Variants in FH observed in about 807,000 individuals in gnomAD.
FH encodes fumarate hydratase, mitochondrial.
FH carries 22 observed loss-of-function variants against 49.4 expected under a neutral mutation model. That is an observed-to-expected ratio of 0.45 (90% CI 0.32 to 0.64). The LOEUF (loss-of-function observed/expected upper bound fraction) is 0.64, where lower values mean the gene tolerates loss of function less well. Ranked by LOEUF, FH falls within the 30% of genes least tolerant of loss-of-function variation. The pLI, the probability that FH is intolerant of heterozygous loss-of-function variation, is 0.05. For synonymous variants in FH, 208 were observed against 223.0 expected (o/e 0.93, Z 0.60); for missense variants, 526 against 641.5 (o/e 0.82, Z 1.95).
intron 1 of FH, chr1:241,519,263 C>T (rs1283243970): frequency 1.0e-5 from 3 of 289,154 alleles, no homozygotes; most frequent in Non-Finnish European, 2.0e-5. Flanking sequence ...GCCTGCGCGC[C>T]AGCAGCAGCG....
intron 2 of FH, 90 bp from the exon 3 acceptor site, chr1:241,513,803 A>G (rs1352546692): frequency 2.1e-6 from 2 of 938,714 alleles, no homozygotes; most frequent in South Asian, 1.4e-5. Flanking sequence ...CTATACATAA[A>G]ACAATAACAA....
intron 5 of FH, among the ~76,000 whole-genome samples, chr1:241,506,927 T>G (rs1282350574): frequency 6.6e-6 from 1 of 152,160 alleles, no homozygotes; most frequent in Non-Finnish European, 1.5e-5. Context: ...CCAAGATACA[T>G]GGTTACACTA....
In FH at chr1:241,504,328, C is replaced by T. The variant is rs571824927; in HGVS notation, c.905-83G>A. ...CCATTAGCAAGTGAAACAGAAAGTTCCAATATACGAAAAAATAAAAATTTT... is the reference window on the plus strand; with the variant it reads ...CCATTAGCAAGTGAAACAGAAAGTTTCAATATACGAAAAAATAAAAATTTT... On this transcript the variant is annotated intron_variant, in intron 6 of 9. Coordinates refer to ENST00000366560, the MANE Select transcript of FH (RefSeq NM_000143.4). 1,313 of 1,292,804 alleles carry T rather than the reference C, an allele frequency of 1.0e-3. 2 individuals are homozygous for T. Among genetic ancestry groups the T allele is most frequent in the Non-Finnish European group, 1.2e-3 (1,115 of 920,858 alleles). 80.1% of individuals were successfully genotyped at this position (1,292,804 alleles called of 1,614,324 possible). A position where few individuals can be genotyped will look rare whatever the true frequency, so the allele number is the denominator to read the frequency against.
At chr1:241,513,564 G>C (rs200214193) in intron 3 of FH, 39 bp downstream of exon 3, 11 of 1,427,050 alleles carry the variant, frequency 7.7e-6, no homozygotes, top group Non-Finnish European at 8.9e-6. Context: ...TATGGCATGG[G>C]TCTGAGGTTA....
At chr1:241,502,909 G>A (rs562442631) in intron 7 of FH, among the ~76,000 whole-genome samples, 104 of 152,332 alleles carry the variant, frequency 6.8e-4, no homozygotes, top group African/African-American at 2.4e-3. Flanking sequence ...TGGAGGCTAG[G>A]GAGAAAGAGC....
intron 1 of FH, among the ~76,000 whole-genome samples, chr1:241,518,385 T>C (rs1430416112): frequency 6.6e-6 from 1 of 152,134 alleles, no homozygotes; most frequent in Non-Finnish European, 1.5e-5. Context: ...AAATAAACAA[T>C]AAATAAATTT....
Position 241,504,284 on chromosome 1 carries a change from T to C in FH, c.905-39A>G, listed in dbSNP as rs200809528. The C allele has an allele frequency of 1.7e-3, 2,707 of 1,565,570 alleles. 5 individuals are homozygous for C. Among genetic ancestry groups the C allele is most frequent in the Middle Eastern group, 3.9e-3 (20 of 5,140 alleles). Reference sequence around the variant, plus strand: ...AAATATCCTAGATGGGTGAACAAGTTAAACTAAACATTTTTCTACCATTAG... The same window carrying C: ...AAATATCCTAGATGGGTGAACAAGTCAAACTAAACATTTTTCTACCATTAG... On this transcript the variant is annotated intron_variant, in intron 6 of 9. Coordinates refer to ENST00000366560, the MANE Select transcript of FH (RefSeq NM_000143.4).
rs776313200 is a variant in FH, at chr1:241,504,162, T to C, written c.988A>G (p.Thr330Ala). The C allele has an allele frequency of 2.7e-5, 43 of 1,614,212 alleles. No homozygotes were observed. The highest frequency in any genetic ancestry group is 3.6e-5 in the Non-Finnish European group (43 of 1,180,026). ...ATCTTCATCAGACTGCAGGCAGTAG[T>C]GTTCATGGCTCCACTGAGCTCAACC... Reference protein sequence around the residue: ...ALVELSGAMNTTACSLMKIAN... With the variant: ...ALVELSGAMNATACSLMKIAN... Residue 330 changes from threonine (T) to alanine (A), a missense_variant, in exon 7 of 10, where the codon ACT (threonine) becomes GCT (alanine). Around this residue, in one of 2 missense-constraint regions of FH, gnomAD observed 383 missense variants for 514.0 expected, o/e 0.75. Transcript: ENST00000366560.
At chr1:241,519,258 C>G in intron 1 of FH, 1 of 285,950 alleles carries the variant, frequency 3.5e-6, no homozygotes, top group Non-Finnish European at 6.6e-6. Flanking sequence ...TGGGGGCCTG[C>G]GCGCCAGCAG....
In FH at chr1:241,504,632, G is replaced by C. The variant is rs114103037; in HGVS notation, c.905-387C>G. 2.0e-5 allele frequency among the ~76,000 whole-genome samples: 3 copies of C among 152,026 alleles called. 1 individual carries two copies. The highest frequency in any genetic ancestry group is 4.1e-4 in the South Asian group (2 of 4,824). ...AATTCTTTAATTTTTAGTAGAGATG[G>C]GGTTTCGCCATGTTGCCCAGGCTGG... On this transcript the variant is annotated intron_variant, in intron 6 of 9. Transcript: ENST00000366560.
At chr1:241,501,545 C>CT (rs1157680132) in intron 8 of FH, among the ~76,000 whole-genome samples, 1 of 152,088 alleles carries the variant, frequency 6.6e-6, no homozygotes, top group East Asian at 1.9e-4. Context: ...AGAAATCTGT[C>CT]TTTTCATTGC....
chr1:241,506,348 G>A (rs1251136142), intron 5 of FH, among the ~76,000 whole-genome samples, 180 bp from the exon 6 acceptor site: 1 of 152,136 alleles, frequency 6.6e-6, no homozygotes, highest in Non-Finnish European at 1.5e-5. Context: ...AAGGATGAGG[G>A]TTTATAGAAC....
chr1:241,512,289 T>A (rs948864967), intron 3 of FH, 146 bp from the exon 4 acceptor site: 1 of 667,840 alleles, frequency 1.5e-6, no homozygotes, highest in Non-Finnish European at 2.6e-6. Flanking sequence ...AGTGAAATAT[T>A]ATCTATAGTG....
chr1:241,509,258 T>G (rs1660015412), intron 4 of FH, among the ~76,000 whole-genome samples: 1 of 152,070 alleles, frequency 6.6e-6, no homozygotes, highest in African/African-American at 2.4e-5. Flanking sequence ...ATCTTATAAT[T>G]GAATATCTTA....
chr1:241,511,788 A>G (rs1011331414), intron 4 of FH, 179 bp downstream of exon 4: 2 of 601,216 alleles, frequency 3.3e-6, no homozygotes, highest in African/African-American at 3.7e-5. Context: ...TCCTAAAAAT[A>G]ATTTTTATAA....
rs771373271 is a variant in FH at position 241,512,087 on chromosome 1, T to C, written c.435A>G (p.Ser145=). 4.3e-6 allele frequency: 7 copies of C among 1,613,840 alleles called. No homozygotes were observed. The African/African-American group carries it at 8.0e-5, about 18-fold the overall frequency. The change falls in exon 4 of 10, where the codon TCA becomes TCG. Residue 145 remains serine (S), a synonymous_variant. Coordinates refer to ENST00000366560, the MANE Select transcript of FH (RefSeq NM_000143.4). ...TTACATTCATATTTGTCTGAGTTCCTGATCCAGTCTGCCATACCACGAGAG... is the reference window on the plus strand; with the variant it reads ...TTACATTCATATTTGTCTGAGTTCCCGATCCAGTCTGCCATACCACGAGAG... ...HFPLVVWQTG[S]GTQTNMNVNE... is the part of the protein sequence containing the mutation.
chr1:241,517,131 A>G, intron 2 of FH, 51 bp downstream of exon 2: 1 of 1,610,938 alleles, frequency 6.2e-7, no homozygotes, highest in Non-Finnish European at 8.5e-7. Context: ...TGACTCATGA[A>G]TACAGCCTAC....
chr1:241,505,991 G>T lies in FH; in HGVS notation c.904+12C>A, dbSNP rs781047980. 4 of 1,612,818 alleles carry T rather than the reference G, an allele frequency of 2.5e-6. No individual in the cohort carries two copies. The East Asian group carries it at 8.9e-5, about 36-fold the overall frequency. On this transcript the variant is annotated intron_variant, in intron 6 of 9. Coordinates refer to ENST00000366560, the MANE Select transcript of FH (RefSeq NM_000143.4). The stretch of plus-strand genomic sequence containing the variant: ...GAAATGAAAATGAGAAATAATTCAC[G>T]TGATCACTAACCTGTAAGTGCAGCC...
chr1:241,519,377 C>T, intron 1 of FH: 1 of 571,316 alleles, frequency 1.8e-6, no homozygotes, highest in Non-Finnish European at 2.9e-6. Flanking sequence ...CGTCCCTCCC[C>T]AAGCGCTCTC....
Sources: gnomAD v4.1 joint callset for allele counts (sites outside exome capture counted in the v4.1 genomes callset) on GRCh38, gnomAD v4.1.1 for gene constraint, gnomAD v4.1.1 regional missense constraint, MANE v1.5 for transcripts, NCBI Gene and HGNC (gene_info 2026-07-23, HGNC 2026-07-21) for gene names.